The following ZBTB37 variants were observed in gnomAD, a reference collection of about 807,000 sequenced individuals.
ZBTB37 encodes the protein zinc finger and BTB domain-containing protein 37.
In ZBTB37, 15 loss-of-function variants were observed where a neutral mutation model predicts 37.7. The ratio of observed to expected loss-of-function variants is 0.40; its 90% CI spans 0.27 to 0.61. The LOEUF (loss-of-function observed/expected upper bound fraction) is 0.61, where lower values mean the gene tolerates loss of function less well. Ranked by LOEUF, ZBTB37 falls within the 20% of genes least tolerant of loss-of-function variation. The probability of loss-of-function intolerance (pLI) is 0.44; values close to 1 mark genes in which losing one functional copy is unlikely to be tolerated. For synonymous variants in ZBTB37, 231 were observed against 220.6 expected, an observed-to-expected ratio of 1.05 and a Z score of -0.42; for missense variants, 514 against 641.9, an observed-to-expected ratio of 0.80 and a Z score of 2.15.
exon 5 of ZBTB37, chr1:173,885,989 G>A (rs1572070826): frequency 6.4e-7 from 1 of 1,551,720 alleles, no homozygotes; most frequent in Non-Finnish European, 8.7e-7. Flanking sequence ...TACCCCTGGA[G>A]GGGCCTCACA....
intron 4 of ZBTB37, among the ~76,000 whole-genome samples, chr1:173,884,523 A>G (rs116311467): frequency 6.6e-6 from 1 of 152,270 alleles, no homozygotes; most frequent in African/African-American, 2.4e-5. Context: ...CAGTTTTCGG[A>G]TAAAAGAAAC....
exon 4 of ZBTB37, chr1:173,901,137 C>T (rs1657242376): frequency 6.6e-6 from 1 of 152,130 alleles, no homozygotes; most frequent in Non-Finnish European, 1.5e-5. Flanking sequence ...TCCTCTTAAA[C>T]CTCTAGGAAA....
intron 4 of ZBTB37, among the ~76,000 whole-genome samples, chr1:173,884,258 C>T (rs1656497958): frequency 6.6e-6 from 1 of 150,764 alleles, no homozygotes; most frequent in African/African-American, 2.4e-5. Flanking sequence ...CTCAAATGAT[C>T]CTCACACCTC....
At chr1:173,886,189 A>G (rs1682028040) in exon 5 of ZBTB37, 1 of 1,482,664 alleles carries the variant, frequency 6.7e-7, no homozygotes, top group African/African-American at 1.4e-5. Context: ...CATCAGAGCC[A>G]TGGGCTGATA....
chr1:173,893,469 C>T (rs556575630), exon 4 of ZBTB37: 29 of 152,332 alleles, frequency 1.9e-4, no homozygotes, highest in African/African-American at 6.5e-4. Flanking sequence ...ATAGTTTAGA[C>T]ATGATGTGTC....
At chr1:173,882,244 T>C (rs1572065819) in intron 4 of ZBTB37, among the ~76,000 whole-genome samples, 1 of 134,250 alleles carries the variant, frequency 7.4e-6, no homozygotes, top group African/African-American at 2.8e-5. Flanking sequence ...TTTCTTTTTT[T>C]TTTTTTTTTT....
chr1:173,887,521 T>A (rs1047453994), downstream of ZBTB37: 58 of 152,232 alleles, frequency 3.8e-4, no homozygotes, highest in Non-Finnish European at 2.2e-4. Flanking sequence ...TTAGTAATTC[T>A]GGGTATTTCT....
chr1:173,891,775 C>T (rs908937842), exon 4 of ZBTB37: 1 of 152,088 alleles, frequency 6.6e-6, no homozygotes, highest in African/African-American at 2.4e-5. Context: ...AAAAAAAAAT[C>T]CTTGCAAGAA....
At chr1:173,900,730 A>G (rs1293306875) in exon 4 of ZBTB37, 1 of 152,226 alleles carries the variant, frequency 6.6e-6, no homozygotes, top group South Asian at 2.1e-4. Context: ...TTAAAGTAGC[A>G]CTAAGGCCTG....
chr1:173,886,130 C>T (rs748365004), exon 5 of ZBTB37: 10 of 1,547,630 alleles, frequency 6.5e-6, no homozygotes, highest in Admixed American at 2.0e-5. Flanking sequence ...ACTGAAACAT[C>T]CAGGGGGAGG....
exon 4 of ZBTB37, chr1:173,902,383 G>T (rs1425473716): frequency 6.6e-6 from 1 of 152,188 alleles, no homozygotes; most frequent in African/African-American, 2.4e-5. Flanking sequence ...AAAGGGAATG[G>T]AATAGAGTAT....
chr1:173,871,016 A>T, exon 3 of ZBTB37: 1 of 1,614,228 alleles, frequency 6.2e-7, no homozygotes, highest in Non-Finnish European at 8.5e-7. Flanking sequence ...TCTGGAGAAG[A>T]TGGGAGTAGT....
chr1:173,878,635 CTTCCACCTCATAAATTCAAGA>C (rs145128228), intron 4 of ZBTB37, among the ~76,000 whole-genome samples: 24,688 of 152,158 alleles, frequency 0.16, 2,573 homozygotes, highest in East Asian at 0.31. Flanking sequence ...CCTACCCTCC[CTTCCACCTCATAAATTCAAGA>C]TTTCACATAA....
At chr1:173,888,559 T>C (rs1190193965), downstream of ZBTB37, 1 of 152,014 alleles carries the variant, frequency 6.6e-6, no homozygotes, top group Admixed American at 6.6e-5. Context: ...TCCAGGTAGC[T>C]AGGACTATAG....
chr1:173,879,670 G>A (rs28680958), intron 4 of ZBTB37, among the ~76,000 whole-genome samples: 42,044 of 152,006 alleles, frequency 0.28, 6,410 homozygotes, highest in African/African-American at 0.39. Context: ...TGCAACTATC[G>A]GCTGGGCGAG....
chr1:173,872,208 A>G (rs1339006500), intron 3 of ZBTB37, among the ~76,000 whole-genome samples: 7 of 151,918 alleles, frequency 4.6e-5, no homozygotes, highest in South Asian at 2.1e-4. Flanking sequence ...AGCTGGGACT[A>G]CAGGTCCCTG....
exon 3 of ZBTB37, chr1:173,870,462 T>G: frequency 6.2e-7 from 1 of 1,614,242 alleles, no homozygotes; most frequent in Non-Finnish European, 8.5e-7. Context: ...ACCCTACTGT[T>G]TTTGAACAGC....
At chr1:173,879,245 G>A (rs1315787851) in intron 4 of ZBTB37, among the ~76,000 whole-genome samples, 1 of 152,164 alleles carries the variant, frequency 6.6e-6, no homozygotes, top group African/African-American at 2.4e-5. Context: ...TAAGGGTTTA[G>A]CATGAATCAC....
At chr1:173,875,255 T>TA (rs1451147423) in intron 4 of ZBTB37, among the ~76,000 whole-genome samples, 2 of 149,896 alleles carry the variant, frequency 1.3e-5, no homozygotes, top group Admixed American at 1.3e-4. Context: ...ATGCGTAGTA[T>TA]ACACACACAC....
Sources: gnomAD v4.1 joint callset for allele counts (sites outside exome capture counted in the v4.1 genomes callset) on GRCh38, gnomAD v4.1.1 for gene constraint, MANE v1.5 for transcripts, NCBI Gene and HGNC (gene_info 2026-07-23, HGNC 2026-07-21) for gene names.